ATF7: variants seen among roughly 807,000 people sequenced by gnomAD.
ATF7 encodes the protein activating transcription factor 7.
A neutral mutation model predicts 50.4 loss-of-function variants in ATF7; 10 were observed. That is an observed-to-expected ratio of 0.20 (90% CI 0.12 to 0.34). The LOEUF (loss-of-function observed/expected upper bound fraction) is 0.34, where lower values mean the gene tolerates loss of function less well. Ranked by LOEUF, ATF7 falls within the 10% of genes least tolerant of loss-of-function variation. The pLI, the probability that ATF7 is intolerant of heterozygous loss-of-function variation, is 1.00. For missense variants in ATF7, 465 were observed against 613.9 expected, an observed-to-expected ratio of 0.76 and a Z score of 2.56; for synonymous variants, 201 against 226.4, an observed-to-expected ratio of 0.89 and a Z score of 1.01.
In ATF7 at chr12:53,550,327, AAAAAAAATAAATAAAT is replaced by A. The variant is rs1181477887; in HGVS notation, c.145+2198_145+2213del. ...CAACAGAGTGAGACCCTGTCTCAAA[AAAAAAAATAAATAAAT>A]AAATAAATAAATAAATAAATAAATA... On this transcript the variant is annotated intron_variant, in intron 3 of 11. Transcript: ENST00000420353. 8.8e-3 allele frequency among the ~76,000 whole-genome samples: 995 copies of A among 113,516 alleles called. 21 individuals are homozygous for A. The highest frequency in any genetic ancestry group is 0.035 in the African/African-American group (949 of 26,850). 74.5% of individuals were successfully genotyped at this position (113,516 alleles called of 152,430 possible).
chr12:53,613,700 T>G (rs891052186), intron 1 of ATF7, among the ~76,000 whole-genome samples: 1 of 151,924 alleles, frequency 6.6e-6, no homozygotes, highest in African/African-American at 2.4e-5. Flanking sequence ...TTTAAAATTT[T>G]TGTAAAGACA....
At chr12:53,530,222 T>G (rs1938786125) in intron 9 of ATF7, among the ~76,000 whole-genome samples, 1 of 152,126 alleles carries the variant, frequency 6.6e-6, no homozygotes, top group South Asian at 2.1e-4. Context: ...AAAACTCAAA[T>G]GAAAGCTTTT....
At chr12:53,568,391 C>G (rs903146059) in intron 2 of ATF7, among the ~76,000 whole-genome samples, 1 of 151,492 alleles carries the variant, frequency 6.6e-6, no homozygotes, top group Non-Finnish European at 1.5e-5. Context: ...AAGGAGATTA[C>G]GCACACACAC....
At chr12:53,561,766 C>T (rs1194935872) in intron 2 of ATF7, among the ~76,000 whole-genome samples, 1 of 152,206 alleles carries the variant, frequency 6.6e-6, no homozygotes. Context: ...ATGTGAGTCA[C>T]ACATCCTGCT....
At chr12:53,561,881 G>A (rs1033952242) in intron 2 of ATF7, among the ~76,000 whole-genome samples, 2 of 152,114 alleles carry the variant, frequency 1.3e-5, no homozygotes, top group Non-Finnish European at 2.9e-5. Flanking sequence ...ATGTGTGAGC[G>A]ACATAATTTA....
At chr12:53,552,007 G>C (rs535190565) in intron 3 of ATF7, among the ~76,000 whole-genome samples, 1 of 152,238 alleles carries the variant, frequency 6.6e-6, no homozygotes, top group East Asian at 1.9e-4. Context: ...CACCCAAATT[G>C]GCTTAGAAAA....
At chr12:53,539,155 A>G (rs942997560) in intron 4 of ATF7, among the ~76,000 whole-genome samples, 4 of 152,270 alleles carry the variant, frequency 2.6e-5, no homozygotes, top group African/African-American at 9.6e-5. Context: ...AGGAATGCCC[A>G]GTGAGGAAAG....
At chr12:53,587,086 G>A (rs1942717298) in intron 2 of ATF7, among the ~76,000 whole-genome samples, 1 of 152,220 alleles carries the variant, frequency 6.6e-6, no homozygotes. Context: ...AGGAAAATGT[G>A]CTGGGCACGG....
chr12:53,547,939 C>T (rs1421264453), intron 3 of ATF7, among the ~76,000 whole-genome samples: 4 of 152,154 alleles, frequency 2.6e-5, no homozygotes. Context: ...GTGGCATAAT[C>T]ACAGCTCACT....
intron 9 of ATF7, among the ~76,000 whole-genome samples, chr12:53,527,550 C>A (rs372619312): frequency 6.6e-6 from 1 of 152,000 alleles, no homozygotes; most frequent in African/African-American, 2.4e-5. Context: ...TTTGGGAGGC[C>A]GAGGCAGGTG....
At chr12:53,519,574 C>T (rs1339783895) in intron 11 of ATF7, among the ~76,000 whole-genome samples, 1 of 151,544 alleles carries the variant, frequency 6.6e-6, no homozygotes, top group African/African-American at 2.4e-5. Flanking sequence ...TGGTGGTGCC[C>T]GCCTGTAGTC....
chr12:53,530,858 C>T (rs1938826951), intron 9 of ATF7, among the ~76,000 whole-genome samples: 1 of 152,156 alleles, frequency 6.6e-6, no homozygotes, highest in Non-Finnish European at 1.5e-5. Context: ...ATCCGCCTGC[C>T]TCGGCCTCCC....
intron 2 of ATF7, among the ~76,000 whole-genome samples, chr12:53,594,542 C>CA (rs1943073717): frequency 6.6e-6 from 1 of 152,138 alleles, no homozygotes; most frequent in Non-Finnish European, 1.5e-5. Flanking sequence ...TCAGATCTGA[C>CA]ATTAAGAAAC....
chr12:53,525,510 G>A (rs1186644634), intron 9 of ATF7, among the ~76,000 whole-genome samples: 1 of 152,118 alleles, frequency 6.6e-6, no homozygotes, highest in East Asian at 1.9e-4. Flanking sequence ...TACTATTACA[G>A]GTTTCAGAAA....
In ATF7 at chr12:53,517,514, C is replaced by T. The variant is rs955811366; in HGVS notation, c.1235-160G>A. ...CTTCCCAGAATCCTGGCTTCTAAGTCATAAATGGGCTAGGAAATGGGAAGT... is the reference window on the plus strand; with the variant it reads ...CTTCCCAGAATCCTGGCTTCTAAGTTATAAATGGGCTAGGAAATGGGAAGT... On this transcript the variant is annotated intron_variant, in intron 11 of 11. Coordinates refer to ENST00000420353, the MANE Select transcript of ATF7 (RefSeq NM_006856.3). 3 of 669,762 alleles carry T rather than the reference C, an allele frequency of 4.5e-6. No individual in the cohort carries two copies. In the African/African-American group the frequency reaches 5.5e-5, roughly 12 times the overall value. The allele number at this position is 669,762 out of a possible 1,614,324, so 41.5% of individuals were successfully genotyped here.
chr12:53,615,383 C>CA (rs1340227611), intron 1 of ATF7, among the ~76,000 whole-genome samples: 2 of 147,522 alleles, frequency 1.4e-5, no homozygotes, highest in Non-Finnish European at 3.0e-5. Flanking sequence ...GACTCTGTCT[C>CA]AAAAAAAAGA....
At chr12:53,615,915 G>C (rs937031465) in intron 1 of ATF7, among the ~76,000 whole-genome samples, 1 of 152,014 alleles carries the variant, frequency 6.6e-6, no homozygotes, top group African/African-American at 2.4e-5. Context: ...TAATGAGTCA[G>C]GCATATTCCT....
At position 53,524,899 on chromosome 12, in the gene ATF7, T is replaced by G; in HGVS notation, c.928-138A>C. Reference sequence around the variant, plus strand: ...GTAACCACAGCAAGTCTCATTACTATGTCCCCAAGCTTCCCTTTTGTAGGA... The same window carrying G: ...GTAACCACAGCAAGTCTCATTACTAGGTCCCCAAGCTTCCCTTTTGTAGGA... On this transcript the variant is annotated intron_variant, in intron 9 of 11. Coordinates refer to ENST00000420353, the MANE Select transcript of ATF7 (RefSeq NM_006856.3). The surrounding 1 kb of genome is among the most constrained non-coding windows in gnomAD (Gnocchi z 4.6). 4 of 813,908 alleles carry G rather than the reference T, an allele frequency of 4.9e-6. No homozygotes were observed. Among genetic ancestry groups the G allele is most frequent in the Non-Finnish European group, 7.4e-6 (4 of 543,830 alleles). The allele number at this position is 813,908 out of a possible 1,614,324, so 50.4% of individuals were successfully genotyped here.
Position 53,533,265 on chromosome 12 carries a change from G to A in ATF7, c.561-6C>T, listed in dbSNP as rs201983435. ...GGAGGGAGCCAGTGGGAGACCTAGA[G>A]GAGACATGAAGTGAAATGCTCATAA... On this transcript the variant is annotated splice_polypyrimidine_tract_variant and splice_region_variant and intron_variant, in intron 6 of 11. Coordinates refer to ENST00000420353, the MANE Select transcript of ATF7 (RefSeq NM_006856.3). 120 of 1,601,164 alleles carry A rather than the reference G, an allele frequency of 7.5e-5. No individual in the cohort carries two copies. In the African/African-American group the frequency reaches 1.5e-3, roughly 21 times the overall value.
Sources: allele counts gnomAD v4.1 joint callset (sites outside exome capture counted in the v4.1 genomes callset), GRCh38; gene constraint gnomAD v4.1.1; non-coding constraint Gnocchi (gnomAD v3.1); transcripts MANE v1.5; gene names NCBI Gene and HGNC (gene_info 2026-07-23, HGNC 2026-07-21).